Variants in ARAF observed in about 807,000 individuals in gnomAD.
ARAF encodes the protein A-Raf proto-oncogene, serine/threonine kinase, also known as serine/threonine-protein kinase A-Raf.
A neutral mutation model predicts 48.0 loss-of-function variants in ARAF; 18 were observed. That is an observed-to-expected ratio of 0.37 (90% CI 0.26 to 0.56). ARAF has a LOEUF of 0.56. Ranked by LOEUF, ARAF falls within the 20% of genes least tolerant of loss-of-function variation. ARAF has a pLI of 0.77. For missense variants in ARAF, 389 were observed against 543.1 expected, an observed-to-expected ratio of 0.72 and a Z score of 2.82; for synonymous variants, 207 against 220.1, an observed-to-expected ratio of 0.94 and a Z score of 0.53.
In ARAF at chrX:47,566,928, T is replaced by C. The variant is rs2147906250; in HGVS notation, c.727+17T>C. On this transcript the variant is annotated intron_variant, in intron 8 of 15. Transcript: ENST00000377045. ...GCACTGATGGTGAGTCCCCTGTGCCTGCACCCTGACCCCCGCTGCCCCACT... is the reference window on the plus strand; with the variant it reads ...GCACTGATGGTGAGTCCCCTGTGCCCGCACCCTGACCCCCGCTGCCCCACT... The C allele has an allele frequency of 8.3e-7, 1 of 1,211,672 alleles. No individual in the cohort carries two copies. Among genetic ancestry groups the C allele is most frequent in the East Asian group, 3.0e-5 (1 of 33,852 alleles).
chrX:47,569,399 G>T (rs1172663175), intron 12 of ARAF, 140 bp from the exon 13 acceptor site: 2 of 529,110 alleles, frequency 3.8e-6, no homozygotes, highest in Non-Finnish European at 6.4e-6. Flanking sequence ...CGTCAAGGTT[G>T]TGGATAGTTT....
At position 47,566,930 on chromosome X, in the gene ARAF, C is replaced by T. The variant is rs774931935; in HGVS notation, c.727+19C>T. The T allele has an allele frequency of 1.7e-6, 2 of 1,211,697 alleles. No individual in the cohort carries two copies. Among genetic ancestry groups the T allele is most frequent in the South Asian group, 3.5e-5 (2 of 57,011 alleles). On this transcript the variant is annotated intron_variant, in intron 8 of 15. Coordinates refer to ENST00000377045, the MANE Select transcript of ARAF (RefSeq NM_001654.5). The stretch of plus-strand genomic sequence containing the variant: ...ACTGATGGTGAGTCCCCTGTGCCTG[C>T]ACCCTGACCCCCGCTGCCCCACTTA...
At position 47,565,359 on chromosome X, in the gene ARAF, G is replaced by A; in HGVS notation, c.557+9G>A. On this transcript the variant is annotated intron_variant, in intron 6 of 15. Transcript: ENST00000377045. ...ACCCCCCAGGGTCCCAGGTAGGGAT[G>A]CCTTAGCTGAAGAGCTGCTGGGGGA... 8.3e-7 allele frequency: 1 copy of A among 1,206,379 alleles called. No individual in the cohort carries two copies. Among genetic ancestry groups the A allele is most frequent in the Non-Finnish European group, 1.1e-6 (1 of 891,654 alleles).
At chrX:47,569,466 C>A in intron 12 of ARAF, 73 bp from the exon 13 acceptor site, 1 of 890,668 alleles carries the variant, frequency 1.1e-6, no homozygotes, top group South Asian at 2.2e-5. Flanking sequence ...ATAGGGGCAC[C>A]AATGGGAACC....
chrX:47,563,071 A>T lies in ARAF; in HGVS notation c.96+8A>T. 8.4e-7 allele frequency: 1 copy of T among 1,189,675 alleles called. No individual in the cohort carries two copies. The highest frequency in any genetic ancestry group is 1.1e-6 in the Non-Finnish European group (1 of 883,121). ...AACAAGCAACGCACGGTGGTGAGTCATGGAAGCGAAATGGCAGGGGCTGTG... is the reference window on the plus strand; with the variant it reads ...AACAAGCAACGCACGGTGGTGAGTCTTGGAAGCGAAATGGCAGGGGCTGTG... On this transcript the variant is annotated splice_region_variant and intron_variant, in intron 2 of 15. Transcript: ENST00000377045.
At chrX:47,564,648 G>C (rs1451969379) in intron 3 of ARAF, 149 bp from the exon 4 acceptor site, 3 of 481,081 alleles carry the variant, frequency 6.2e-6, no homozygotes, top group Non-Finnish European at 7.2e-6. Flanking sequence ...GGCAAGGATA[G>C]TGACTAATTT....
intron 12 of ARAF, chrX:47,569,323 G>C: frequency 2.2e-6 from 1 of 461,516 alleles, no homozygotes; most frequent in Non-Finnish European, 3.8e-6. Flanking sequence ...GCCCTCCGAG[G>C]GGCTTCCTGT....
chrX:47,564,757 T>C (rs1287959096), intron 3 of ARAF, 40 bp from the exon 4 acceptor site: 2 of 1,120,092 alleles, frequency 1.8e-6, no homozygotes, highest in South Asian at 1.9e-5. Context: ...CCATGGCCCC[T>C]ACCCAACCTC....
At position 47,570,820 on chromosome X, in the gene ARAF, T is replaced by C. The variant is rs982769216; in HGVS notation, c.1552-58T>C. On this transcript the variant is annotated intron_variant, in intron 14 of 15. Coordinates refer to ENST00000377045, the MANE Select transcript of ARAF (RefSeq NM_001654.5). The stretch of plus-strand genomic sequence containing the variant: ...TCCAAGTCCCTCAATACAAAATTCC[T>C]TGGGCCTCCCAGCCCCTGACCCCAG... The C allele has an allele frequency of 7.9e-6, 9 of 1,145,363 alleles. No homozygotes were observed. In the African/African-American group the frequency reaches 1.6e-4, roughly 21 times the overall value. 94.4% of individuals were successfully genotyped at this position (1,145,363 alleles called of 1,213,427 possible). A position where few individuals can be genotyped will look rare whatever the true frequency, so the allele number is the denominator to read the frequency against.
At position 47,568,840 on chromosome X, in the gene ARAF, G is replaced by A. The variant is rs764255925; in HGVS notation, c.1199G>A (p.Arg400His). ...CATCACCTGCATGTGGCCGACACAC[G>A]CTTCGACATGGTCCAGCTCATCGAC... ...LYHHLHVADT[R>H]FDMVQLIDVA... Residue 400 changes from arginine (R) to histidine (H), a missense_variant, in exon 11 of 16, where the codon CGC becomes CAC. Arg to His is a conservative substitution (Grantham distance 29). Around this residue, in one of 4 missense-constraint regions of ARAF, gnomAD observed 170 missense variants for 281.4 expected, o/e 0.60. Coordinates refer to ENST00000377045, the MANE Select transcript of ARAF (RefSeq NM_001654.5). 1.1e-5 allele frequency: 13 copies of A among 1,208,538 alleles called. No homozygotes were observed. In the African/African-American group the frequency reaches 1.2e-4, roughly 11 times the overall value.
rs1210265001 is a variant in ARAF at position 47,563,241 on chromosome X, G to C, written c.112G>C (p.Gly38Arg). The C allele has an allele frequency of 9.1e-6, 11 of 1,209,094 alleles. No homozygotes were observed. The highest frequency in any genetic ancestry group is 1.2e-5 in the Non-Finnish European group (11 of 894,581). ...ATACACACAGGTGACTGTCCGGGAT[G>C]GCATGAGTGTCTACGACTCTCTAGA... ...KQRTVVTVRD[G>R]MSVYDSLDKA... Residue 38 changes from glycine (G) to arginine (R), a missense_variant, in exon 3 of 16, where the codon GGC becomes CGC. Gly to Arg is a moderately radical substitution (Grantham distance 125). This residue lies in a region of ARAF where 47 missense variants were observed against 66.9 expected (regional missense o/e 0.70). Coordinates refer to ENST00000377045, the MANE Select transcript of ARAF (RefSeq NM_001654.5).
At chrX:47,564,734 G>A in intron 3 of ARAF, 63 bp from the exon 4 acceptor site, 3 of 961,178 alleles carry the variant, frequency 3.1e-6, no homozygotes, top group Non-Finnish European at 4.4e-6. Context: ...ACTTGTGGGG[G>A]TTCCCTGCCT....
In ARAF at chrX:47,566,775, A is replaced by G; in HGVS notation, c.694A>G (p.Ile232Val). ...CACGGCCCCCATGGACTCCAACCTC[A>G]TCCAGGTTGGTGCTGTGGGGGACAA... ...STTAPMDSNL[I>V]QLTGQSFSTD... Residue 232 changes from isoleucine to valine, a missense_variant, in exon 7 of 16, where the codon ATC (isoleucine) becomes GTC (valine). Coordinates refer to ENST00000377045, the MANE Select transcript of ARAF (RefSeq NM_001654.5). 8.3e-7 allele frequency: 1 copy of G among 1,209,556 alleles called. No individual in the cohort carries two copies. The highest frequency in any genetic ancestry group is 1.7e-5 in the African/African-American group (1 of 57,669).
rs779648831 is a variant in ARAF, at chrX:47,565,010, C to T, written c.329C>T (p.Ala110Val). Reference protein sequence around the residue: ...NFVRKTFFSLAFCDFCLKFLF... With the variant: ...NFVRKTFFSLVFCDFCLKFLF... Reference sequence around the variant, plus strand: ...GTACGGAAGACCTTCTTCAGCCTGGCGTTCTGTGACTTCTGCCTTAAGTTT... The same window carrying T: ...GTACGGAAGACCTTCTTCAGCCTGGTGTTCTGTGACTTCTGCCTTAAGTTT... The change falls in exon 5 of 16, where the codon GCG (alanine) becomes GTG (valine). Residue 110 changes from alanine to valine, a missense_variant. Physicochemically the swap from Ala to Val is moderately conservative, Grantham distance 64 (BLOSUM62 0). Coordinates refer to ENST00000377045, the MANE Select transcript of ARAF (RefSeq NM_001654.5). 10 of 1,210,226 alleles carry T rather than the reference C, an allele frequency of 8.3e-6. No homozygotes were observed. The highest frequency in any genetic ancestry group is 5.9e-5 in the East Asian group (2 of 33,761).
chrX:47,570,853 C>T (rs2057752872), intron 14 of ARAF, 25 bp from the exon 15 acceptor site: 1 of 1,200,279 alleles, frequency 8.3e-7, no homozygotes, highest in African/African-American at 1.7e-5. Flanking sequence ...CAGATCACCC[C>T]TTTCCTGCCC....
intron 13 of ARAF, 61 bp downstream of exon 13, chrX:47,569,718 G>A (rs1420593976): frequency 1.8e-6 from 2 of 1,103,513 alleles, no homozygotes; most frequent in African/African-American, 1.8e-5. Flanking sequence ...ATTGGGGTGT[G>A]TGGGGCCAAG....
intron 12 of ARAF, chrX:47,569,315 C>T: frequency 2.2e-6 from 1 of 459,027 alleles, no homozygotes. Context: ...GTTCGGATGC[C>T]CTCCGAGGGG....
chrX:47,571,162 T>C, intron 15 of ARAF, 150 bp downstream of exon 15: 1 of 965,810 alleles, frequency 1.0e-6, no homozygotes, highest in Non-Finnish European at 1.4e-6. Flanking sequence ...AGGCTGGGAC[T>C]GTTGGGGGTG....
At chrX:47,568,920 T>G (rs1603046534) in intron 11 of ARAF, 26 bp downstream of exon 11, 4 of 1,190,424 alleles carry the variant, frequency 3.4e-6, no homozygotes, top group African/African-American at 1.9e-5. Flanking sequence ...TGGGGAGGGG[T>G]GGGGGGAAAG....
Sources: gnomAD v4.1 joint callset for allele counts on GRCh38, gnomAD v4.1.1 for gene constraint, gnomAD v4.1.1 regional missense constraint, MANE v1.5 for transcripts, NCBI Gene and HGNC (gene_info 2026-07-23, HGNC 2026-07-21) for gene names.